Variants in PPP2R2B observed in about 807,000 individuals in gnomAD.
PPP2R2B encodes serine/threonine-protein phosphatase 2A 55 kDa regulatory subunit B beta isoform.
A neutral mutation model predicts 46.0 loss-of-function variants in PPP2R2B; 5 were observed. That is an observed-to-expected ratio of 0.11 (90% CI 0.06 to 0.23). The LOEUF (loss-of-function observed/expected upper bound fraction) is 0.23. Ranked by LOEUF, PPP2R2B falls within the 10% of genes least tolerant of loss-of-function variation. The probability of loss-of-function intolerance (pLI) is 1.00; values close to 1 mark genes in which losing one functional copy is unlikely to be tolerated. For synonymous variants in PPP2R2B, 215 were observed against 206.7 expected, an observed-to-expected ratio of 1.04 and a Z score of -0.34; for missense variants, 367 against 575.0, an observed-to-expected ratio of 0.64 and a Z score of 3.70.
intron 2 of PPP2R2B, among the ~76,000 whole-genome samples, chr5:146,779,013 T>C (rs1485411284): frequency 6.6e-6 from 1 of 152,126 alleles, no homozygotes; most frequent in Non-Finnish European, 1.5e-5. Flanking sequence ...ACACAGCTGG[T>C]TGACACAGCA....
In PPP2R2B at chr5:147,055,273, TCAAA is replaced by T. The variant is rs1270451672; in HGVS notation, c.79+388_79+391del. Reference sequence around the variant, plus strand: ...GCTTTCTTGGGCATGCACCAAGTTATCAAACAGACAGTGACAAAACAGAGAGCTC... The same window carrying T: ...GCTTTCTTGGGCATGCACCAAGTTATCAGACAGTGACAAAACAGAGAGCTC... On this transcript the variant is annotated intron_variant, in intron 1 of 8. Transcript: ENST00000336640. Among the ~76,000 whole-genome samples, 8 of 152,342 alleles carry T rather than the reference TCAAA, an allele frequency of 5.3e-5. No individual in the cohort carries two copies. The East Asian group carries it at 1.3e-3, about 26-fold the overall frequency.
intron 2 of PPP2R2B, among the ~76,000 whole-genome samples, chr5:146,830,948 T>C (rs1758888608): frequency 6.6e-6 from 1 of 152,202 alleles, no homozygotes; most frequent in Admixed American, 6.5e-5. Context: ...AAAATATTCC[T>C]ATTGCCTAGT....
At chr5:146,760,497 C>A (rs767968124) in intron 2 of PPP2R2B, among the ~76,000 whole-genome samples, 1 of 152,092 alleles carries the variant, frequency 6.6e-6, no homozygotes, top group Non-Finnish European at 1.5e-5. Flanking sequence ...CTGGAAAAGA[C>A]AGGCAAGATA....
At chr5:146,623,739 T>C (rs1773858393) in intron 7 of PPP2R2B, among the ~76,000 whole-genome samples, 2 of 152,202 alleles carry the variant, frequency 1.3e-5, no homozygotes, top group African/African-American at 4.8e-5. Context: ...ATGAGCTTCG[T>C]GGGGATAGCA....
intron 2 of PPP2R2B, among the ~76,000 whole-genome samples, chr5:146,810,465 A>G (rs1757460038): frequency 6.6e-6 from 1 of 152,160 alleles, no homozygotes; most frequent in East Asian, 1.9e-4. Flanking sequence ...TCACAACAGG[A>G]GGCAATTATG....
intron 5 of PPP2R2B, among the ~76,000 whole-genome samples, chr5:146,667,332 GCACACA>G (rs144297178): frequency 6.9e-4 from 22 of 32,012 alleles, no homozygotes; most frequent in African/African-American, 1.9e-3. Flanking sequence ...GCGTGCGCGC[GCACACA>G]CACACACACA....
At chr5:146,909,055 G>T (rs952820550) in intron 1 of PPP2R2B, among the ~76,000 whole-genome samples, 1 of 152,248 alleles carries the variant, frequency 6.6e-6, no homozygotes, top group Non-Finnish European at 1.5e-5. Flanking sequence ...CCATGGAGAA[G>T]TAATAGTGGG....
intron 1 of PPP2R2B, among the ~76,000 whole-genome samples, chr5:147,024,815 G>A (rs898383688): frequency 2.0e-5 from 3 of 152,116 alleles, no homozygotes; most frequent in East Asian, 1.9e-4. Context: ...GCAGATAAAG[G>A]CACACTTAGA....
intron 1 of PPP2R2B, among the ~76,000 whole-genome samples, chr5:146,889,154 C>T (rs319194): frequency 0.44 from 66,802 of 152,040 alleles, 15,491 homozygotes; most frequent in East Asian, 0.71. Flanking sequence ...AAGGATGAAT[C>T]ACAAGGGAAA....
chr5:146,812,208 T>C (rs1224154146), intron 2 of PPP2R2B, among the ~76,000 whole-genome samples: 1 of 151,808 alleles, frequency 6.6e-6, no homozygotes, highest in African/African-American at 2.4e-5. Context: ...TCTGACCTCA[T>C]GGGGTGAGAA....
intron 1 of PPP2R2B, among the ~76,000 whole-genome samples, chr5:146,903,064 G>A (rs2151436451): frequency 6.6e-6 from 1 of 152,276 alleles, no homozygotes; most frequent in East Asian, 1.9e-4. Flanking sequence ...GCACATATGA[G>A]AACCTGTCTT....
At chr5:146,838,594 G>GAAAAAAAAC (rs1433192902) in intron 2 of PPP2R2B, among the ~76,000 whole-genome samples, 2 of 149,824 alleles carry the variant, frequency 1.3e-5, no homozygotes, top group Non-Finnish European at 3.0e-5. Flanking sequence ...AGAAAAAAAA[G>GAAAAAAAAC]AAGGAAGGGA....
intron 5 of PPP2R2B, among the ~76,000 whole-genome samples, chr5:146,654,489 G>A (rs938649096): frequency 6.6e-6 from 1 of 152,192 alleles, no homozygotes; most frequent in African/African-American, 2.4e-5. Context: ...AGGCTCTGTG[G>A]TGTATGGATG....
At chr5:146,981,456 T>C (rs1753175213) in intron 1 of PPP2R2B, among the ~76,000 whole-genome samples, 2 of 152,194 alleles carry the variant, frequency 1.3e-5, no homozygotes, top group East Asian at 1.9e-4. Flanking sequence ...GAGAATTCGG[T>C]TGTGAGTCTG....
chr5:146,649,551 T>C (rs1775813529), intron 6 of PPP2R2B, among the ~76,000 whole-genome samples: 1 of 152,070 alleles, frequency 6.6e-6, no homozygotes, highest in Admixed American at 6.6e-5. Context: ...TTCAAGCGAT[T>C]CTCCTGCCTC....
At position 146,697,992 on chromosome 5, in the gene PPP2R2B, A is replaced by T; in HGVS notation, c.321T>A (p.Leu107=). 6.2e-7 allele frequency: 1 copy of T among 1,611,638 alleles called. No individual in the cohort carries two copies. Among genetic ancestry groups the T allele is most frequent in the Non-Finnish European group, 8.5e-7 (1 of 1,179,122 alleles). ...WLPQQNAAYF[L]LSTNDKTVKL... is the part of the protein sequence containing the mutation. ...AATTCCACCTACCATTAGTAGACAG[A>T]AGAAAGTAAGCTGCATTCTGCTGGG... The change falls in exon 4 of 10, where the codon CTT becomes CTA. Residue 107 remains leucine (L), a synonymous_variant. Transcript: ENST00000394411.
At chr5:146,740,968 C>T (rs974037857) in intron 2 of PPP2R2B, among the ~76,000 whole-genome samples, 9 of 149,868 alleles carry the variant, frequency 6.0e-5, no homozygotes, top group African/African-American at 1.2e-4. Flanking sequence ...ACCCGGGAGG[C>T]GGAGGTGGCA....
intron 2 of PPP2R2B, among the ~76,000 whole-genome samples, chr5:146,811,047 A>G (rs116404953): frequency 0.026 from 3,891 of 152,204 alleles, 157 homozygotes; most frequent in African/African-American, 0.089. Context: ...GTCGCCACCC[A>G]GGCTGGAGTG....
chr5:146,950,306 A>T (rs944966287), intron 1 of PPP2R2B, among the ~76,000 whole-genome samples: 1 of 152,048 alleles, frequency 6.6e-6, no homozygotes, highest in African/African-American at 2.4e-5. Flanking sequence ...CATGATAGAT[A>T]ATTTATGTTA....
Sources: gnomAD v4.1 joint callset for allele counts (sites outside exome capture counted in the v4.1 genomes callset) on GRCh38, gnomAD v4.1.1 for gene constraint, MANE v1.5 for transcripts, NCBI Gene and HGNC (gene_info 2026-07-23, HGNC 2026-07-21) for gene names.